The following SHPK variants were observed in gnomAD, a reference collection of about 807,000 sequenced individuals.
SHPK encodes sedoheptulokinase.
Under a neutral mutation model 46.3 loss-of-function variants are expected in SHPK, and 51 were observed. That is an observed-to-expected ratio of 1.10 (90% CI 0.88 to 1.39). The LOEUF is 1.39. SHPK is among the 40% of genes most tolerant of loss of function. The probability of loss-of-function intolerance (pLI) is 0.00; values close to 1 mark genes in which losing one functional copy is unlikely to be tolerated. For missense variants in SHPK, 668 were observed against 641.3 expected (o/e 1.04, Z -0.45); for synonymous variants, 290 against 273.9 (o/e 1.06, Z -0.58).
Position 3,610,787 on chromosome 17 carries a change from G to C in SHPK, c.1210C>G (p.Arg404Gly), listed in dbSNP as rs758707561. The C allele has an allele frequency of 6.2e-7, 1 of 1,614,098 alleles. No individual in the cohort carries two copies. Among genetic ancestry groups the C allele is most frequent in the South Asian group, 1.1e-5 (1 of 91,076 alleles). The change falls in exon 7 of 7, where the codon CGA becomes GGA. Residue 404 changes from arginine to glycine, a missense_variant. Physicochemically the swap from Arg to Gly is moderately radical, Grantham distance 125. Transcript: ENST00000225519. ...GAGTGCAGGTTCTGAACAATGCCTC[G>C]GCACAGAGCCCGGGTCACGTGCCCC... ...SLGHVTRALC[R>G]GIVQNLHSML...
At chr17:3,617,256 C>T (rs574540939) in intron 5 of SHPK, among the ~76,000 whole-genome samples, 29 of 152,266 alleles carry the variant, frequency 1.9e-4, no homozygotes, top group African/African-American at 5.3e-4. Flanking sequence ...AACAAGCAAA[C>T]GGGCATAAGT....
intron 4 of SHPK, among the ~76,000 whole-genome samples, chr17:3,621,684 G>C (rs982394990): frequency 7.7e-6 from 1 of 130,040 alleles, no homozygotes; most frequent in Non-Finnish European, 1.6e-5. Context: ...ATGGAGTCTT[G>C]CTCTGTTGCC....
At chr17:3,621,476 T>G in intron 4 of SHPK, 64 bp from the exon 5 acceptor site, 9 of 1,418,464 alleles carry the variant, frequency 6.3e-6, no homozygotes, top group Non-Finnish European at 7.8e-6. Flanking sequence ...TAAGGGATCC[T>G]TCCTTCCTTC....
intron 6 of SHPK, among the ~76,000 whole-genome samples, chr17:3,613,324 A>G (rs972192467): frequency 1.3e-5 from 2 of 152,330 alleles, no homozygotes; most frequent in African/African-American, 2.4e-5. Flanking sequence ...TAAACTCCAC[A>G]GTATTTCCAG....
intron 6 of SHPK, among the ~76,000 whole-genome samples, chr17:3,613,461 C>T (rs901132959): frequency 2.6e-5 from 4 of 152,134 alleles, no homozygotes; most frequent in African/African-American, 4.8e-5. Flanking sequence ...CTCTGCATCT[C>T]GGGTTCAAGT....
chr17:3,633,571 T>TG (rs945676637), intron 1 of SHPK, among the ~76,000 whole-genome samples: 8 of 151,862 alleles, frequency 5.3e-5, no homozygotes, highest in East Asian at 1.9e-4. Flanking sequence ...ATATGTGGTG[T>TG]GGGGGGGTTA....
rs972405557 is a variant in SHPK, at chr17:3,627,986, GGGAGGAAGGGGA to G, written c.310+2207_310+2218del. Among the ~76,000 whole-genome samples the G allele has an allele frequency of 9.2e-5, 14 of 152,016 alleles. 3 individuals carry two copies. Among genetic ancestry groups the G allele is most frequent in the Admixed American group, 2.0e-4 (3 of 15,234 alleles). On this transcript the variant is annotated intron_variant, in intron 2 of 6. Transcript: ENST00000225519. ...CGGGTCTGATGATAGCCGGACAGGA[GGGAGGAAGGGGA>G]GGAGGAAGAGCCTGCATCAGCTCCT... is the stretch of plus-strand genomic sequence containing the variant.
Position 3,621,096 on chromosome 17 carries a change from C to A in SHPK, c.823+141G>T. 5.5e-6 allele frequency: 4 copies of A among 731,320 alleles called. No homozygotes were observed. The South Asian group carries it at 8.8e-5, about 16-fold the overall frequency. 45.3% of individuals were successfully genotyped at this position (731,320 alleles called of 1,614,324 possible). A position where few individuals can be genotyped will look rare whatever the true frequency, so the allele number is the denominator to read the frequency against. ...GATTTTACCTGCAAGGACAAGGGTG[C>A]TTTTCATCTTTACAGAATAATGATC... On this transcript the variant is annotated intron_variant, in intron 5 of 6. Coordinates refer to ENST00000225519, the MANE Select transcript of SHPK (RefSeq NM_013276.4).
Position 3,621,309 on chromosome 17 carries a change from TC to T in SHPK, c.750del (p.Thr251ArgfsTer91), listed in dbSNP as rs754196705. ...TCACCCAAGGCCACTCCCACCTGCGTCCCCTTTGGGATTTCAAACCACATGT... is the reference window on the plus strand; with the variant it reads ...TCACCCAAGGCCACTCCCACCTGCGTCCCTTTGGGATTTCAAACCACATGT... ...TSHMWFEIPK[G>X]TQVGVALGDL... On this transcript the variant is annotated frameshift_variant, in exon 5 of 7. Transcript: ENST00000225519. LOFTEE classifies it high-confidence loss of function. The T allele has an allele frequency of 1.2e-6, 2 of 1,614,014 alleles. No individual in the cohort carries two copies. Among genetic ancestry groups the T allele is most frequent in the South Asian group, 2.2e-5 (2 of 91,078 alleles).
In SHPK at chr17:3,613,420, G is replaced by A. The variant is rs148167426; in HGVS notation, c.1024+1917C>T. Among the ~76,000 whole-genome samples the A allele has an allele frequency of 2.6e-4, 39 of 152,274 alleles. No individual in the cohort carries two copies. The East Asian group carries it at 7.3e-3, about 29-fold the overall frequency. ...ATGTTTAACCTCTGCAAATGCACAG[G>A]TGCAGTGGTATTATTTCAGCTCACT... On this transcript the variant is annotated intron_variant, in intron 6 of 6. Transcript: ENST00000225519.
In SHPK at chr17:3,623,449, G is replaced by A. The variant is rs758727470; in HGVS notation, c.537C>T (p.His179=). The change falls in exon 4 of 7, where the codon CAC becomes CAT. Residue 179 remains histidine (H), a synonymous_variant. Coordinates refer to ENST00000225519, the MANE Select transcript of SHPK (RefSeq NM_013276.4). ...CACACAGCATGGCAACCACATAGTC[G>A]TGGATGGTACCGGCTGCGTCGTAGG... is the stretch of plus-strand genomic sequence containing the variant. ...LKSYDAAGTI[H]DYVVAMLCGL... is the part of the protein sequence containing the mutation. 29 of 1,614,162 alleles carry A rather than the reference G, an allele frequency of 1.8e-5. No individual in the cohort carries two copies. In the South Asian group the frequency reaches 1.9e-4, roughly 10 times the overall value.
At chr17:3,616,757 C>G (rs2075373230) in intron 5 of SHPK, among the ~76,000 whole-genome samples, 1 of 152,052 alleles carries the variant, frequency 6.6e-6, no homozygotes, top group Admixed American at 6.6e-5. Context: ...TTTTGTTTTT[C>G]AGACAGAGTT....
intron 6 of SHPK, among the ~76,000 whole-genome samples, chr17:3,614,493 C>A (rs1380503542): frequency 6.7e-6 from 1 of 150,336 alleles, no homozygotes; most frequent in African/African-American, 2.5e-5. Flanking sequence ...CTACTGCACT[C>A]CAGCCTGGGC....
intron 5 of SHPK, chr17:3,619,924 G>T: frequency 4.7e-6 from 1 of 214,614 alleles, no homozygotes; most frequent in Non-Finnish European, 9.8e-6. Flanking sequence ...GCGCCATATC[G>T]TCCCACGTTC....
At chr17:3,633,068 T>C (rs1255568005) in intron 1 of SHPK, among the ~76,000 whole-genome samples, 1 of 141,642 alleles carries the variant, frequency 7.1e-6, no homozygotes, top group African/African-American at 2.6e-5. Flanking sequence ...AACCTCTGCC[T>C]CCCGAGTTCA....
intron 1 of SHPK, among the ~76,000 whole-genome samples, chr17:3,632,081 C>G (rs2075476048): frequency 1.3e-5 from 2 of 151,666 alleles, no homozygotes; most frequent in African/African-American, 2.4e-5. Flanking sequence ...CTCAGCCTCC[C>G]AAGTACCTGG....
Position 3,610,359 on chromosome 17 carries a change from T to G in SHPK, c.*201A>C. 3.5e-6 allele frequency: 2 copies of G among 577,660 alleles called. No homozygotes were observed. Among genetic ancestry groups the G allele is most frequent in the East Asian group, 5.8e-5 (2 of 34,600 alleles). 35.8% of individuals were successfully genotyped at this position (577,660 alleles called of 1,614,324 possible). A position where few individuals can be genotyped will look rare whatever the true frequency, so the allele number is the denominator to read the frequency against. ...GTGGGTCAATTTCGGAAGGCACTCA[T>G]TTGGGATCTGGCTGACGGCTCCTGG... On this transcript the variant is annotated 3_prime_UTR_variant, in exon 7 of 7. Coordinates refer to ENST00000225519, the MANE Select transcript of SHPK (RefSeq NM_013276.4).
chr17:3,612,818 C>T (rs911768387), intron 6 of SHPK, among the ~76,000 whole-genome samples: 2 of 149,960 alleles, frequency 1.3e-5, no homozygotes, highest in Non-Finnish European at 2.9e-5. Context: ...GTGGCGCGAT[C>T]TCGGCTCACT....
chr17:3,624,041 C>T lies in SHPK; in HGVS notation c.494+7G>A. The stretch of plus-strand genomic sequence containing the variant: ...CAGCACCCGAGTGAAAGTGCAGTTG[C>T]CCGTACCGATATTTCAAAAGCCAGA... On this transcript the variant is annotated splice_region_variant and intron_variant, in intron 3 of 6. Transcript: ENST00000225519. 1.3e-6 allele frequency: 2 copies of T among 1,598,124 alleles called. No homozygotes were observed. Among genetic ancestry groups the T allele is most frequent in the South Asian group, 1.1e-5 (1 of 90,280 alleles).
Sources: allele counts gnomAD v4.1 joint callset (sites outside exome capture counted in the v4.1 genomes callset), GRCh38; gene constraint gnomAD v4.1.1; transcripts MANE v1.5; gene names NCBI Gene and HGNC (gene_info 2026-07-23, HGNC 2026-07-21).